The following TTC5 variants were observed in gnomAD, a reference collection of about 807,000 sequenced individuals.
The protein encoded by TTC5 is tetratricopeptide repeat protein 5.
A neutral mutation model predicts 57.4 loss-of-function variants in TTC5; 46 were observed. The observed-to-expected ratio is 0.80, with a 90% CI of 0.63 to 1.03. The LOEUF (loss-of-function observed/expected upper bound fraction) is 1.03, where lower values mean the gene tolerates loss of function less well. Ranked by LOEUF, TTC5 falls within the 50% of genes least tolerant of loss-of-function variation. TTC5 has a pLI of 0.00. For synonymous variants in TTC5, 190 were observed against 203.5 expected, an observed-to-expected ratio of 0.93 and a Z score of 0.57; for missense variants, 504 against 528.1, an observed-to-expected ratio of 0.95 and a Z score of 0.45.
At chr14:20,300,153 ATATTTTTTT>A (rs1217140434) in intron 3 of TTC5, among the ~76,000 whole-genome samples, 2 of 12,864 alleles carry the variant, frequency 1.6e-4, no homozygotes, top group Non-Finnish European at 4.7e-4. Context: ...GTATATATAT[ATATTTTTTT>A]TTTTTTTTTT....
chr14:20,292,851 A>G (rs942893247), intron 8 of TTC5: 4 of 152,206 alleles, frequency 2.6e-5, no homozygotes, highest in African/African-American at 9.6e-5. Context: ...TAAAGGGTAA[A>G]AAACCAGCTG....
chr14:20,297,884 T>C (rs1882098851), intron 5 of TTC5, among the ~76,000 whole-genome samples: 1 of 152,132 alleles, frequency 6.6e-6, no homozygotes, highest in East Asian at 1.9e-4. Flanking sequence ...ATTAAGAAAT[T>C]AGAGTAAAAT....
At chr14:20,296,574 C>A in intron 5 of TTC5, 128 bp from the exon 6 acceptor site, 1 of 763,684 alleles carries the variant, frequency 1.3e-6, no homozygotes, top group South Asian at 1.5e-5. Context: ...GGTATTTATA[C>A]CACAGAAGCA....
At chr14:20,300,550 A>C (rs995803853) in intron 3 of TTC5, 57 bp downstream of exon 3, 1 of 1,484,086 alleles carries the variant, frequency 6.7e-7, no homozygotes, top group Admixed American at 2.0e-5. Context: ...AACTCATAGA[A>C]CCAAAGAAAT....
At chr14:20,300,143 G>GTATATATATATATATATATATA (rs1555311668) in intron 3 of TTC5, among the ~76,000 whole-genome samples, 20 of 27,162 alleles carry the variant, frequency 7.4e-4, no homozygotes, top group African/African-American at 1.5e-3. Flanking sequence ...TCTGGTCCAT[G>GTATATATATATATATATATATA]TATATATATA....
chr14:20,296,839 A>G (rs1331720015), intron 5 of TTC5, among the ~76,000 whole-genome samples: 1 of 151,944 alleles, frequency 6.6e-6, no homozygotes, highest in Non-Finnish European at 1.5e-5. Flanking sequence ...CTGGTGAAAC[A>G]CTGTCTCTAC....
At chr14:20,300,564 T>C in intron 3 of TTC5, 43 bp downstream of exon 3, 1 of 1,533,386 alleles carries the variant, frequency 6.5e-7, no homozygotes, top group Non-Finnish European at 8.8e-7. Flanking sequence ...AAGAAATTCA[T>C]CCTTCCCATC....
At chr14:20,289,858 C>T in intron 9 of TTC5, 112 bp from the exon 10 acceptor site, 1 of 1,133,624 alleles carries the variant, frequency 8.8e-7, no homozygotes, top group East Asian at 2.6e-5. Flanking sequence ...TTGTATACCC[C>T]CTCTACTTCC....
intron 3 of TTC5, among the ~76,000 whole-genome samples, chr14:20,299,755 G>A (rs999665377): frequency 1.3e-5 from 2 of 152,036 alleles, no homozygotes; most frequent in African/African-American, 4.8e-5. Context: ...GTTTCACCAT[G>A]TTGGCCAGGC....
chr14:20,289,859 C>CT (rs1454685927), intron 9 of TTC5, 113 bp from the exon 10 acceptor site: 4 of 1,134,402 alleles, frequency 3.5e-6, no homozygotes, highest in Non-Finnish European at 4.8e-6. Context: ...TGTATACCCC[C>CT]TCTACTTCCA....
intron 3 of TTC5, 72 bp from the exon 4 acceptor site, chr14:20,299,520 G>A (rs2138814992): frequency 6.5e-7 from 1 of 1,526,946 alleles, no homozygotes; most frequent in Non-Finnish European, 9.0e-7. Flanking sequence ...TCTGAACTCA[G>A]TCTTCTAAAT....
chr14:20,305,871 T>C lies in TTC5; in HGVS notation c.51+16A>G. On this transcript the variant is annotated intron_variant, in intron 1 of 9. Coordinates refer to ENST00000258821, the MANE Select transcript of TTC5 (RefSeq NM_138376.3). ...GAGTAACAAAAACACATACAGAATTTAATCTACGGCCCCACCTGCAATTTC... is the reference window on the plus strand; with the variant it reads ...GAGTAACAAAAACACATACAGAATTCAATCTACGGCCCCACCTGCAATTTC... 1 of 1,613,724 alleles carries C rather than the reference T, an allele frequency of 6.2e-7. No individual in the cohort carries two copies. The highest frequency in any genetic ancestry group is 1.1e-5 in the South Asian group (1 of 91,070).
In TTC5 at chr14:20,300,727, C is replaced by T; in HGVS notation, c.276G>A (p.Leu92=). The T allele has an allele frequency of 6.2e-7, 1 of 1,614,166 alleles. No individual in the cohort carries two copies. Among genetic ancestry groups the T allele is most frequent in the Non-Finnish European group, 8.5e-7 (1 of 1,180,026 alleles). The change falls in exon 3 of 10, where the codon CTG becomes CTA. Residue 92 remains leucine (L), a synonymous_variant. Transcript: ENST00000258821. ...PDYSPKAEEL[L]SKAVKLEPEL... ...CGGGCTCCAGCTTCACAGCCTTTGA[C>T]AGAAGCTCCTCAGCCTTAGGGCTAT... is the stretch of plus-strand genomic sequence containing the variant.
intron 9 of TTC5, among the ~76,000 whole-genome samples, chr14:20,291,327 G>C (rs1164268565): frequency 1.3e-5 from 2 of 152,008 alleles, no homozygotes; most frequent in African/African-American, 4.8e-5. Flanking sequence ...CAAAGTGCTG[G>C]GATTTTACGC....
chr14:20,292,767 A>T (rs1035069549), intron 8 of TTC5: 4 of 152,250 alleles, frequency 2.6e-5, no homozygotes, highest in Non-Finnish European at 4.4e-5. Context: ...GTGGGAGCCC[A>T]GAGGACAAAT....
chr14:20,304,542 C>T (rs116770287), intron 1 of TTC5, among the ~76,000 whole-genome samples: 70 of 152,284 alleles, frequency 4.6e-4, no homozygotes, highest in African/African-American at 1.6e-3. Flanking sequence ...ACAGCAACAC[C>T]ATTATCTAAT....
intron 9 of TTC5, among the ~76,000 whole-genome samples, chr14:20,291,614 T>C (rs1238418032): frequency 6.6e-6 from 1 of 152,122 alleles, no homozygotes; most frequent in Admixed American, 6.5e-5. Context: ...TGTAAAAACA[T>C]AGGAAACATT....
Position 20,292,008 on chromosome 14 carries a change from A to C in TTC5, c.1178T>G (p.Leu393Arg), listed in dbSNP as rs985988197. 39 of 1,591,840 alleles carry C rather than the reference A, an allele frequency of 2.4e-5. No homozygotes were observed. The highest frequency in any genetic ancestry group is 3.1e-5 in the Non-Finnish European group (36 of 1,169,504). ...CTTTCCTTTGTGCTGAATTCGGTGAAGCCGCAGGTTGGGCTCAGGAATGGC... is the reference window on the plus strand; with the variant it reads ...CTTTCCTTTGTGCTGAATTCGGTGACGCCGCAGGTTGGGCTCAGGAATGGC... ...SVAIPEPNLR[L>R]HRIQHKGKDY... is the part of the protein sequence containing the mutation. The change falls in exon 9 of 10, where the codon CTT (leucine) becomes CGT (arginine). Residue 393 changes from leucine (L) to arginine (R), a missense_variant. Coordinates refer to ENST00000258821, the MANE Select transcript of TTC5 (RefSeq NM_138376.3).
intron 1 of TTC5, among the ~76,000 whole-genome samples, chr14:20,302,786 C>G (rs1286895383): frequency 6.6e-6 from 1 of 152,172 alleles, no homozygotes; most frequent in Non-Finnish European, 1.5e-5. Flanking sequence ...ACCTGACACA[C>G]AGTCAAAATG....
Sources: gnomAD v4.1 joint callset for allele counts (sites outside exome capture counted in the v4.1 genomes callset) on GRCh38, gnomAD v4.1.1 for gene constraint, MANE v1.5 for transcripts, NCBI Gene and HGNC (gene_info 2026-07-23, HGNC 2026-07-21) for gene names.